Variants in KDM5A observed in about 807,000 individuals in gnomAD.
The protein encoded by KDM5A is lysine-specific demethylase 5A.
KDM5A carries 42 observed loss-of-function variants against 193.5 expected under a neutral mutation model. The observed-to-expected ratio is 0.22, with a 90% confidence interval of 0.17 to 0.28. The LOEUF is 0.28. KDM5A is among the 10% of genes least tolerant of loss of function. The probability of loss-of-function intolerance (pLI) is 1.00; values close to 1 mark genes in which losing one functional copy is unlikely to be tolerated. For missense variants in KDM5A, 1,692 were observed against 2,055.1 expected (o/e 0.82, Z 3.42); for synonymous variants, 796 against 718.1 (o/e 1.11, Z -1.73).
chr12:290,078 T>C (rs2137361080), intron 27 of KDM5A, among the ~76,000 whole-genome samples: 1 of 152,208 alleles, frequency 6.6e-6, no homozygotes, highest in South Asian at 2.1e-4. Flanking sequence ...GTCTCAACCT[T>C]CTGAGTAGCT....
intron 4 of KDM5A, among the ~76,000 whole-genome samples, chr12:364,470 C>T (rs1342357561): frequency 7.4e-6 from 1 of 134,594 alleles, no homozygotes; most frequent in Non-Finnish European, 1.6e-5. Flanking sequence ...CAGCAAGATT[C>T]CACCTCAAAA....
chr12:296,462 G>C (rs538836354), intron 25 of KDM5A, among the ~76,000 whole-genome samples: 2 of 152,152 alleles, frequency 1.3e-5, no homozygotes, highest in East Asian at 1.9e-4. Flanking sequence ...AAAGCATTTG[G>C]CTGCCTTATA....
At position 313,060 on chromosome 12, in the gene KDM5A, A is replaced by C. The variant is rs776728933; in HGVS notation, c.3032T>G (p.Ile1011Ser). Residue 1011 changes from isoleucine to serine, a missense_variant, in exon 20 of 28, where the codon ATT (isoleucine) becomes AGT (serine). Transcript: ENST00000399788. The stretch of plus-strand genomic sequence containing the variant: ...ATAATCCAAAAGTCTTCTTACCTGA[A>C]TAGCTTCCACTTTAGCGGTCCATTC... ...AREWTAKVEA[I>S]QSGSNYAYLE... 1.9e-6 allele frequency: 3 copies of C among 1,614,148 alleles called. No homozygotes were observed. The highest frequency in any genetic ancestry group is 2.5e-6 in the Non-Finnish European group (3 of 1,179,974).
intron 24 of KDM5A, among the ~76,000 whole-genome samples, chr12:299,932 C>CAAA (rs60424008): frequency 0.24 from 28,585 of 117,482 alleles, 4,223 homozygotes; most frequent in East Asian, 0.46. Flanking sequence ...CAACAAAGAT[C>CAAA]AGAGACAAGG....
intron 27 of KDM5A, among the ~76,000 whole-genome samples, chr12:288,966 G>A (rs896974640): frequency 2.0e-4 from 31 of 152,164 alleles, no homozygotes; most frequent in African/African-American, 7.0e-4. Context: ...CTTAACCTTT[G>A]CTTATCTGTG....
At chr12:348,054 A>G (rs565476829) in intron 10 of KDM5A, among the ~76,000 whole-genome samples, 1 of 152,338 alleles carries the variant, frequency 6.6e-6, no homozygotes, top group Admixed American at 6.5e-5. Flanking sequence ...AAAGAACTCA[A>G]ACAAATTTAC....
At chr12:364,045 C>T (rs1189501958) in intron 4 of KDM5A, among the ~76,000 whole-genome samples, 1 of 152,138 alleles carries the variant, frequency 6.6e-6, no homozygotes, top group African/African-American at 2.4e-5. Context: ...ATACAACTAA[C>T]TAGAATGGCT....
intron 10 of KDM5A, among the ~76,000 whole-genome samples, chr12:349,794 A>T (rs1944129468): frequency 6.7e-6 from 1 of 149,874 alleles, no homozygotes; most frequent in Non-Finnish European, 1.5e-5. Context: ...AAGTTCTGGG[A>T]TTACAGGTGT....
At chr12:308,048 T>C (rs200166999) in intron 22 of KDM5A, 43 bp from the exon 23 acceptor site, 19 of 1,569,406 alleles carry the variant, frequency 1.2e-5, no homozygotes, top group Admixed American at 3.3e-5. Context: ...CACTGCAATA[T>C]ACCCCCCAAA....
intron 27 of KDM5A, among the ~76,000 whole-genome samples, chr12:291,883 G>A (rs906817878): frequency 6.6e-5 from 10 of 150,836 alleles, no homozygotes; most frequent in Admixed American, 2.0e-4. Flanking sequence ...ATTTAGGGTT[G>A]GAAATTTTAA....
intron 1 of KDM5A, among the ~76,000 whole-genome samples, 183 bp downstream of exon 1, chr12:388,744 T>G (rs2253565): frequency 0.79 from 120,504 of 152,164 alleles, 47,936 homozygotes; most frequent in African/African-American, 0.85. Context: ...ACTTTCTCGC[T>G]TTCAGACGTG....
At chr12:347,240 C>T (rs975072264) in intron 10 of KDM5A, among the ~76,000 whole-genome samples, 2 of 152,170 alleles carry the variant, frequency 1.3e-5, no homozygotes, top group Admixed American at 6.5e-5. Context: ...GAACTACAAA[C>T]CACTGCTCAA....
rs1466303616 is a variant in KDM5A, at chr12:284,809, C to T, written c.*647G>A. The T allele has an allele frequency of 8.6e-6, 2 of 233,532 alleles. No homozygotes were observed. The highest frequency in any genetic ancestry group is 1.7e-5 in the Non-Finnish European group (2 of 118,330). The allele number at this position is 233,532 out of a possible 1,614,324, so 14.5% of individuals were successfully genotyped here. A position where few individuals can be genotyped will look rare whatever the true frequency, so the allele number is the denominator to read the frequency against. ...TGATCTAGATGATATCCTCATCTTA[C>T]AAAGATAAGGTGACCTGCCCCAGCT... is the stretch of plus-strand genomic sequence containing the variant. On this transcript the variant is annotated 3_prime_UTR_variant, in exon 28 of 28. Coordinates refer to ENST00000399788, the MANE Select transcript of KDM5A (RefSeq NM_001042603.3).
chr12:378,410 A>G lies in KDM5A; in HGVS notation c.366+5621T>C, dbSNP rs7978920. 3.0e-3 allele frequency among the ~76,000 whole-genome samples: 451 copies of G among 152,118 alleles called. 1 individual carries two copies. Among genetic ancestry groups the G allele is most frequent in the African/African-American group, 0.01 (430 of 41,474 alleles). The stretch of plus-strand genomic sequence containing the variant: ...GTGGCTGTGACTACAGGCGCATGCC[A>G]CCACACCTAGCTAATCTTTTTAAAT... On this transcript the variant is annotated intron_variant, in intron 3 of 27. Transcript: ENST00000399788.
At chr12:292,134 C>A (rs1278808108) in intron 27 of KDM5A, among the ~76,000 whole-genome samples, 1 of 152,162 alleles carries the variant, frequency 6.6e-6, no homozygotes, top group African/African-American at 2.4e-5. Context: ...GAACTCCTCA[C>A]CTCAGGTGAT....
At chr12:314,139 G>C in intron 19 of KDM5A, among the ~76,000 whole-genome samples, 1 of 152,108 alleles carries the variant, frequency 6.6e-6, no homozygotes, top group East Asian at 1.9e-4. Context: ...CTACGTGTTA[G>C]GCACTGTTCT....
At chr12:339,034 C>T (rs1028606379) in intron 10 of KDM5A, among the ~76,000 whole-genome samples, 6 of 151,906 alleles carry the variant, frequency 3.9e-5, no homozygotes, top group Non-Finnish European at 4.4e-5. Flanking sequence ...CATAAGTAGC[C>T]GGGCGTGGTG....
At position 295,780 on chromosome 12, in the gene KDM5A, T is replaced by G. The variant is rs777007180; in HGVS notation, c.4248A>C (p.Pro1416=). 1 of 1,614,054 alleles carries G rather than the reference T, an allele frequency of 6.2e-7. No homozygotes were observed. Among genetic ancestry groups the G allele is most frequent in the East Asian group, 2.2e-5 (1 of 44,876 alleles). The change falls in exon 26 of 28, where the codon CCA becomes CCC. Residue 1416 remains proline, a synonymous_variant. Coordinates refer to ENST00000399788, the MANE Select transcript of KDM5A (RefSeq NM_001042603.3). ...SKSCSQGSST[P]RKQPRKSPLV... ...AAGGGCTCTTCCGAGGTTGTTTCCT[T>G]GGGGTGCTAGAACCTTTCCCAAAAA...
intron 4 of KDM5A, among the ~76,000 whole-genome samples, chr12:364,584 G>C (rs375111309): frequency 2.6e-5 from 4 of 151,860 alleles, no homozygotes; most frequent in East Asian, 1.9e-4. Context: ...AGGAGATCGA[G>C]ACCATCCTGG....
Sources: gnomAD v4.1 joint callset for allele counts (sites outside exome capture counted in the v4.1 genomes callset) on GRCh38, gnomAD v4.1.1 for gene constraint, MANE v1.5 for transcripts, NCBI Gene and HGNC (gene_info 2026-07-23, HGNC 2026-07-21) for gene names.